The following AOPEP variants were observed in gnomAD, a reference collection of about 807,000 sequenced individuals.
AOPEP encodes aminopeptidase O.
In AOPEP, 77 loss-of-function variants were observed where a neutral mutation model predicts 98.1. The observed-to-expected ratio is 0.78, with a 90% confidence interval of 0.65 to 0.95. The LOEUF (loss-of-function observed/expected upper bound fraction) is 0.95, where lower values mean the gene tolerates loss of function less well. Ranked by LOEUF, AOPEP falls within the 40% of genes least tolerant of loss-of-function variation. AOPEP has a pLI of 0.00. For missense variants in AOPEP, 1,024 were observed against 1,024.7 expected (o/e 1.00, Z 0.01); for synonymous variants, 346 against 365.3 (o/e 0.95, Z 0.60).
rs35186299 is a variant in AOPEP at position 94,942,904 on chromosome 9, CAA to C, written c.1662-12251_1662-12250del. On this transcript the variant is annotated intron_variant, in intron 7 of 16. Transcript: ENST00000375315. ...TAGGGGACACAGTGAGAGTCTGTCT[CAA>C]AAAAAAAAAAAAAAAAAAAAATCAT... is the stretch of plus-strand genomic sequence containing the variant. Among the ~76,000 whole-genome samples, 581 of 82,794 alleles carry C rather than the reference CAA, an allele frequency of 7.0e-3. 3 individuals carry two copies. Among genetic ancestry groups the C allele is most frequent in the African/African-American group, 0.016 (376 of 23,350 alleles). The allele number at this position is 82,794 out of a possible 152,430, so 54.3% of individuals were successfully genotyped here. A position where few individuals can be genotyped will look rare whatever the true frequency, so the allele number is the denominator to read the frequency against.
At chr9:95,036,860 T>A (rs914651373) in intron 13 of AOPEP, among the ~76,000 whole-genome samples, 1 of 152,192 alleles carries the variant, frequency 6.6e-6, no homozygotes, top group Admixed American at 6.5e-5. Flanking sequence ...TTGTCAGTCT[T>A]CCAGCCTGGC....
intron 1 of AOPEP, among the ~76,000 whole-genome samples, chr9:94,745,311 C>G (rs1834215850): frequency 6.7e-6 from 1 of 150,302 alleles, no homozygotes; most frequent in Admixed American, 6.6e-5. Context: ...GAGTCTGGCT[C>G]TGTCGCCTAG....
chr9:95,085,631 C>T (rs764794037), intron 16 of AOPEP: 65 of 379,270 alleles, frequency 1.7e-4, no homozygotes, highest in Non-Finnish European at 2.8e-4. Flanking sequence ...GTGCGGAGCG[C>T]GATCCTGGAG....
chr9:95,020,857 G>A (rs946757277), intron 13 of AOPEP, among the ~76,000 whole-genome samples: 1 of 143,120 alleles, frequency 7.0e-6, no homozygotes, highest in African/African-American at 2.6e-5. Flanking sequence ...GGTGGAGGTT[G>A]CAGTTAAGCC....
At chr9:94,889,193 C>G (rs913012693) in intron 5 of AOPEP, among the ~76,000 whole-genome samples, 3 of 152,148 alleles carry the variant, frequency 2.0e-5, no homozygotes, top group African/African-American at 4.8e-5. Flanking sequence ...GGGGTTTCAC[C>G]ATGTTGGCCA....
chr9:94,788,174 G>C (rs912031002), intron 3 of AOPEP, among the ~76,000 whole-genome samples: 4 of 152,012 alleles, frequency 2.6e-5, no homozygotes, highest in African/African-American at 7.2e-5. Context: ...GGGCCCAAGT[G>C]ATCCTCCTAC....
chr9:94,869,971 A>ATTTTTTTTT (rs10556167), intron 5 of AOPEP, among the ~76,000 whole-genome samples: 4 of 93,554 alleles, frequency 4.3e-5, no homozygotes, highest in African/African-American at 1.8e-4. Context: ...GAAGCCATGA[A>ATTTTTTTTT]TTTTTTTTTT....
chr9:95,073,770 A>T (rs1055332816), intron 14 of AOPEP, among the ~76,000 whole-genome samples: 16 of 152,160 alleles, frequency 1.1e-4, no homozygotes, highest in Admixed American at 1.0e-3. Flanking sequence ...GAGGCAGGAG[A>T]ATCGCTTGAA....
the AOPEP span, chr9:95,100,006 T>C: frequency 8.6e-6 from 2 of 232,066 alleles, no homozygotes; most frequent in Non-Finnish European, 1.7e-5. Flanking sequence ...GTGGCCCCTC[T>C]CTCTAGGGGT....
the AOPEP span, among the ~76,000 whole-genome samples, chr9:95,104,312 A>G: frequency 6.6e-6 from 1 of 152,222 alleles, no homozygotes; most frequent in Non-Finnish European, 1.5e-5. Flanking sequence ...GGGTGCCCAG[A>G]TGGCCAGCAT....
intron 2 of AOPEP, among the ~76,000 whole-genome samples, chr9:94,766,778 A>G (rs1379426532): frequency 6.6e-6 from 1 of 152,224 alleles, no homozygotes; most frequent in Non-Finnish European, 1.5e-5. Context: ...AATACATTAT[A>G]AGATAAAGTA....
chr9:94,794,757 G>A (rs1038847500), intron 4 of AOPEP, among the ~76,000 whole-genome samples: 3 of 152,136 alleles, frequency 2.0e-5, no homozygotes, highest in Non-Finnish European at 4.4e-5. Context: ...TTAATTGCAT[G>A]TGAGATCCTC....
At chr9:95,111,599 A>G in the AOPEP span, 1 of 1,614,204 alleles carries the variant, frequency 6.2e-7, no homozygotes, top group Non-Finnish European at 8.5e-7. Flanking sequence ...TCCGAAGTGA[A>G]TGAACAGGAA....
intron 5 of AOPEP, among the ~76,000 whole-genome samples, chr9:94,876,475 T>G (rs1265413257): frequency 6.6e-6 from 1 of 151,758 alleles, no homozygotes; most frequent in African/African-American, 2.4e-5. Context: ...ACACCATTCT[T>G]CTGCCTCAGC....
chr9:95,150,203 A>G, the AOPEP span: 1 of 1,003,318 alleles, frequency 1.0e-6, no homozygotes, highest in Non-Finnish European at 1.5e-6. Context: ...GCCTCTAAAT[A>G]AAGAGAATGA....
chr9:95,003,881 T>A (rs1486191787), intron 11 of AOPEP: 2 of 156,106 alleles, frequency 1.3e-5, no homozygotes, highest in African/African-American at 2.4e-5. Flanking sequence ...GACTTGTTGT[T>A]TGTTTTAGGA....
At chr9:95,050,024 G>A (rs73526528) in intron 13 of AOPEP, among the ~76,000 whole-genome samples, 1,801 of 152,300 alleles carry the variant, frequency 0.012, 31 homozygotes, top group African/African-American at 0.041. Context: ...CTAAGATTAT[G>A]TCTAAACTCA....
At chr9:94,852,777 T>C (rs2043713119) in intron 5 of AOPEP, among the ~76,000 whole-genome samples, 1 of 152,270 alleles carries the variant, frequency 6.6e-6, no homozygotes, top group Non-Finnish European at 1.5e-5. Flanking sequence ...AATCCTGTTA[T>C]TAATCATCTT....
At chr9:94,737,259 C>A (rs188768073) in intron 1 of AOPEP, among the ~76,000 whole-genome samples, 2 of 152,182 alleles carry the variant, frequency 1.3e-5, no homozygotes, top group Admixed American at 1.3e-4. Context: ...CACATGCCAC[C>A]ATGCCTGGTT....
Sources: allele counts gnomAD v4.1 joint callset (sites outside exome capture counted in the v4.1 genomes callset), GRCh38; gene constraint gnomAD v4.1.1; transcripts MANE v1.5; gene names NCBI Gene and HGNC (gene_info 2026-07-23, HGNC 2026-07-21).